STK39: variants seen among roughly 807,000 people sequenced by gnomAD.
The protein encoded by STK39 is STE20/SPS1-related proline-alanine-rich protein kinase.
A neutral mutation model predicts 77.8 loss-of-function variants in STK39; 20 were observed. That is an observed-to-expected ratio of 0.26 (90% CI 0.18 to 0.37). The LOEUF (loss-of-function observed/expected upper bound fraction) is 0.37, where lower values mean the gene tolerates loss of function less well. Among genes scored for constraint, STK39 ranks in the 10% least tolerant of loss-of-function variants. The pLI, the probability that STK39 is intolerant of heterozygous loss-of-function variation, is 1.00. For synonymous variants in STK39, 246 were observed against 234.1 expected, an observed-to-expected ratio of 1.05 and a Z score of -0.47; for missense variants, 479 against 656.5, an observed-to-expected ratio of 0.73 and a Z score of 2.95.
intron 14 of STK39, among the ~76,000 whole-genome samples, chr2:168,040,962 GT>G (rs1244564364): frequency 6.6e-6 from 1 of 152,062 alleles, no homozygotes; most frequent in African/African-American, 2.4e-5. Flanking sequence ...AGTTACACAG[GT>G]CCCATACTCA....
At chr2:167,972,302 G>C (rs1692370287) in intron 16 of STK39, among the ~76,000 whole-genome samples, 2 of 152,316 alleles carry the variant, frequency 1.3e-5, no homozygotes, top group South Asian at 4.1e-4. Context: ...GGCTGATCTT[G>C]AGCTATAGTA....
At chr2:168,178,906 T>A (rs1165671210) in intron 2 of STK39, among the ~76,000 whole-genome samples, 1 of 152,170 alleles carries the variant, frequency 6.6e-6, no homozygotes, top group Admixed American at 6.5e-5. Context: ...TTCTGACCTG[T>A]GTGTGTAAAT....
At chr2:168,080,386 T>C (rs1297760343) in intron 10 of STK39, among the ~76,000 whole-genome samples, 3 of 152,108 alleles carry the variant, frequency 2.0e-5, no homozygotes, top group South Asian at 2.1e-4. Flanking sequence ...TCCCAGCACT[T>C]TGGGAGGCCG....
chr2:168,013,013 C>T (rs893828837), intron 15 of STK39, among the ~76,000 whole-genome samples: 12 of 152,202 alleles, frequency 7.9e-5, no homozygotes, highest in Admixed American at 7.2e-4. Context: ...TATAACTGTT[C>T]CCTATGACAC....
chr2:168,106,012 G>A (rs1345460375), intron 10 of STK39, among the ~76,000 whole-genome samples: 1 of 152,208 alleles, frequency 6.6e-6, no homozygotes, highest in Non-Finnish European at 1.5e-5. Context: ...CGCCAGACTG[G>A]AGTGCAGTGG....
chr2:168,193,733 A>C (rs540992139), intron 1 of STK39, among the ~76,000 whole-genome samples: 46 of 152,296 alleles, frequency 3.0e-4, no homozygotes, highest in Non-Finnish European at 4.4e-4. Flanking sequence ...GAGACAACAT[A>C]AGGGGTCACC....
At chr2:168,094,790 T>A (rs751627486) in intron 10 of STK39, among the ~76,000 whole-genome samples, 3 of 152,220 alleles carry the variant, frequency 2.0e-5, no homozygotes, top group Middle Eastern at 3.4e-3. Context: ...TCACCTCCAT[T>A]GAGAAGACAC....
intron 14 of STK39, among the ~76,000 whole-genome samples, chr2:168,052,155 G>A (rs1357616199): frequency 6.6e-6 from 1 of 152,134 alleles, no homozygotes; most frequent in African/African-American, 2.4e-5. Context: ...ACACAGCTGG[G>A]TCTCAATGGA....
At chr2:168,180,732 G>T (rs561524389) in intron 2 of STK39, among the ~76,000 whole-genome samples, 1 of 149,424 alleles carries the variant, frequency 6.7e-6, no homozygotes, top group South Asian at 2.1e-4. Flanking sequence ...GCATGCAGCA[G>T]GAATTTCAGT....
At chr2:167,967,160 T>C (rs1298169577) in intron 16 of STK39, among the ~76,000 whole-genome samples, 1 of 152,248 alleles carries the variant, frequency 6.6e-6, no homozygotes, top group African/African-American at 2.4e-5. Flanking sequence ...GTGGGACTTC[T>C]GAACCCTGCT....
At chr2:168,213,067 T>C (rs1689932264) in intron 1 of STK39, among the ~76,000 whole-genome samples, 1 of 152,220 alleles carries the variant, frequency 6.6e-6, no homozygotes, top group Non-Finnish European at 1.5e-5. Flanking sequence ...GATCCATGAG[T>C]GCATGTTCAC....
At chr2:167,992,367 G>A (rs1037439776) in intron 16 of STK39, among the ~76,000 whole-genome samples, 1 of 151,640 alleles carries the variant, frequency 6.6e-6, no homozygotes, top group East Asian at 1.9e-4. Context: ...GGCAAGATCA[G>A]AGCTGTAGGC....
intron 14 of STK39, among the ~76,000 whole-genome samples, chr2:168,036,137 A>G (rs77041937): frequency 0.036 from 5,491 of 152,270 alleles, 341 homozygotes; most frequent in African/African-American, 0.12. Flanking sequence ...AGAAAAATGC[A>G]TAACTCAATA....
At chr2:168,048,267 T>C (rs1472451812) in intron 14 of STK39, among the ~76,000 whole-genome samples, 1 of 151,440 alleles carries the variant, frequency 6.6e-6, no homozygotes, top group Non-Finnish European at 1.5e-5. Flanking sequence ...GGCTGAAGTA[T>C]AATGGCACAA....
intron 16 of STK39, among the ~76,000 whole-genome samples, chr2:167,971,310 C>T (rs1010884166): frequency 2.0e-5 from 3 of 152,060 alleles, no homozygotes; most frequent in South Asian, 2.1e-4. Context: ...AACTAACTGG[C>T]CTGGATCCAG....
At chr2:168,210,835 C>T (rs573235267) in intron 1 of STK39, among the ~76,000 whole-genome samples, 49 of 152,216 alleles carry the variant, frequency 3.2e-4, no homozygotes, top group Non-Finnish European at 5.1e-4. Context: ...CTTTGAATAA[C>T]GGATTTAAAA....
chr2:168,207,993 G>A (rs1689785559), intron 1 of STK39, among the ~76,000 whole-genome samples: 1 of 152,142 alleles, frequency 6.6e-6, no homozygotes, highest in African/African-American at 2.4e-5. Flanking sequence ...AAGAACCAAG[G>A]CAGTAAAACC....
At chr2:168,197,090 A>G (rs1486508087) in intron 1 of STK39, among the ~76,000 whole-genome samples, 1 of 151,948 alleles carries the variant, frequency 6.6e-6, no homozygotes, top group Non-Finnish European at 1.5e-5. Flanking sequence ...GCAGGGCAAG[A>G]GCAGGTACAG....
chr2:168,153,550 G>C (rs2105563888), intron 5 of STK39, among the ~76,000 whole-genome samples: 1 of 151,690 alleles, frequency 6.6e-6, no homozygotes, highest in Non-Finnish European at 1.5e-5. Context: ...GCTGCTCTAG[G>C]AGCACACCTT....
Sources: gnomAD v4.1 joint callset for allele counts (sites outside exome capture counted in the v4.1 genomes callset) on GRCh38, gnomAD v4.1.1 for gene constraint, MANE v1.5 for transcripts, NCBI Gene and HGNC (gene_info 2026-07-23, HGNC 2026-07-21) for gene names.